ZNF341: variants seen among roughly 807,000 people sequenced by gnomAD.
The protein encoded by ZNF341 is zinc finger protein 341.
ZNF341 carries 52 observed loss-of-function variants against 87.7 expected under a neutral mutation model. That is an observed-to-expected ratio of 0.59 (90% CI 0.47 to 0.75). The LOEUF (loss-of-function observed/expected upper bound fraction) is 0.75, where lower values mean the gene tolerates loss of function less well. Ranked by LOEUF, ZNF341 falls within the 30% of genes least tolerant of loss-of-function variation. The pLI is 0.00. For synonymous variants in ZNF341, 459 were observed against 472.7 expected, an observed-to-expected ratio of 0.97 and a Z score of 0.38; for missense variants, 977 against 1,145.9, an observed-to-expected ratio of 0.85 and a Z score of 2.13.
Position 33,769,377 on chromosome 20 carries a change from G to GGA in ZNF341, c.1414-706_1414-705insAG, listed in dbSNP as rs1555787976. Among the ~76,000 whole-genome samples the GGA allele has an allele frequency of 1.8e-4, 24 of 133,952 alleles. 1 individual carries two copies. Among genetic ancestry groups the GGA allele is most frequent in the South Asian group, 1.5e-3 (6 of 4,070 alleles). The allele number at this position is 133,952 out of a possible 152,430, so 87.9% of individuals were successfully genotyped here. On this transcript the variant is annotated intron_variant, in intron 9 of 14. Transcript: ENST00000375200. ...GGGAGGGGGTGAAGGGGTGGTGGTG[G>GGA]GGGGGGGGGCAGTGGGAGGGGTGGC...
At position 33,791,625 on chromosome 20, in the gene ZNF341, A is replaced by G. The variant is rs2020038062; in HGVS notation, c.*108A>G. 2 of 1,249,422 alleles carry G rather than the reference A, an allele frequency of 1.6e-6. No homozygotes were observed. Among genetic ancestry groups the G allele is most frequent in the South Asian group, 1.7e-5 (1 of 59,376 alleles). The allele number at this position is 1,249,422 out of a possible 1,614,324, so 77.4% of individuals were successfully genotyped here. On this transcript the variant is annotated 3_prime_UTR_variant, in exon 15 of 15. Transcript: ENST00000375200. ...ACCAGTGGAAGCGAGCCATCGAGCC[A>G]TTGGCAGAAATCCTGCTGAATGTCA...
Position 33,791,553 on chromosome 20 carries a change from T to C in ZNF341, c.*36T>C, listed in dbSNP as rs2122755034. 2.0e-6 allele frequency: 3 copies of C among 1,504,996 alleles called. No individual in the cohort carries two copies. The highest frequency in any genetic ancestry group is 4.6e-5 in the East Asian group (2 of 43,376). The allele number at this position is 1,504,996 out of a possible 1,614,324, so 93.2% of individuals were successfully genotyped here. A position where few individuals can be genotyped will look rare whatever the true frequency, so the allele number is the denominator to read the frequency against. ...GTGTCTGTTTCCTGGGCAGGCCTGA[T>C]GCTCCTGTTTGGGTCCAGGGCCCCT... is the stretch of plus-strand genomic sequence containing the variant. On this transcript the variant is annotated 3_prime_UTR_variant, in exon 15 of 15. Transcript: ENST00000375200.
chr20:33,768,798 A>G (rs1244097997), intron 9 of ZNF341, among the ~76,000 whole-genome samples: 1 of 152,174 alleles, frequency 6.6e-6, no homozygotes, highest in Non-Finnish European at 1.5e-5. Context: ...GAAGGAGTGC[A>G]TGATATTGTG....
chr20:33,789,103 T>A, intron 13 of ZNF341, 129 bp downstream of exon 13: 2 of 654,768 alleles, frequency 3.1e-6, no homozygotes, highest in East Asian at 5.5e-5. Context: ...GGAGACATAG[T>A]CTCACTCTGT....
intron 7 of ZNF341, among the ~76,000 whole-genome samples, chr20:33,759,815 A>G (rs961955271): frequency 6.6e-6 from 1 of 152,112 alleles, no homozygotes; most frequent in East Asian, 1.9e-4. Flanking sequence ...CAAACCTCAC[A>G]TTCCAGCCAT....
intron 5 of ZNF341, among the ~76,000 whole-genome samples, chr20:33,755,182 T>C (rs2019152228): frequency 6.6e-6 from 1 of 152,202 alleles, no homozygotes; most frequent in South Asian, 2.1e-4. Context: ...TGGCCTCAGG[T>C]GATCTGCCTG....
In ZNF341 at chr20:33,764,561, A is replaced by ATTTTT. The variant is rs1164096634; in HGVS notation, c.1223-2265_1223-2261dup. Among the ~76,000 whole-genome samples the ATTTTT allele has an allele frequency of 2.4e-3, 68 of 28,412 alleles. 4 individuals carry two copies. The highest frequency in any genetic ancestry group is 6.8e-3 in the East Asian group (2 of 296). 18.6% of individuals were successfully genotyped at this position (28,412 alleles called of 152,430 possible). Reference sequence around the variant, plus strand: ...TGTATGTGTATATATATATATATATATTTTTTTTTTTTTTTTTTTTTTTTT... The same window carrying ATTTTT: ...TGTATGTGTATATATATATATATATATTTTTTTTTTTTTTTTTTTTTTTTTTTTTT... On this transcript the variant is annotated intron_variant, in intron 8 of 14. Transcript: ENST00000375200.
intron 9 of ZNF341, among the ~76,000 whole-genome samples, chr20:33,767,398 G>A (rs1339494426): frequency 1.6e-5 from 1 of 62,558 alleles, no homozygotes; most frequent in Admixed American, 1.5e-4. Flanking sequence ...TTTTTTTTTT[G>A]AGACGGTTTT....
chr20:33,764,125 C>T (rs1325813204), intron 8 of ZNF341, among the ~76,000 whole-genome samples: 5 of 149,600 alleles, frequency 3.3e-5, no homozygotes, highest in Admixed American at 1.3e-4. Context: ...CCTGGGTTCA[C>T]GCCATTTTCC....
chr20:33,734,099 G>A (rs962404933), intron 1 of ZNF341, among the ~76,000 whole-genome samples: 2 of 152,356 alleles, frequency 1.3e-5, no homozygotes, highest in African/African-American at 2.4e-5. Flanking sequence ...CAGTTCCTAG[G>A]ACAGTGGGAT....
At chr20:33,760,914 AT>A (rs199767276) in intron 7 of ZNF341, among the ~76,000 whole-genome samples, 68 of 151,360 alleles carry the variant, frequency 4.5e-4, no homozygotes, top group Middle Eastern at 3.4e-3. Flanking sequence ...TAGATCTTGC[AT>A]TTTTTTTTGT....
chr20:33,772,683 G>A (rs1238529832), intron 10 of ZNF341, among the ~76,000 whole-genome samples: 7 of 152,150 alleles, frequency 4.6e-5, no homozygotes, highest in Non-Finnish European at 7.4e-5. Context: ...AGGAGGAACC[G>A]CAAGTTTAAA....
chr20:33,769,878 T>G (rs2019488197), intron 9 of ZNF341, among the ~76,000 whole-genome samples: 1 of 152,190 alleles, frequency 6.6e-6, no homozygotes, highest in Non-Finnish European at 1.5e-5. Flanking sequence ...ACCACTGCAC[T>G]CCAGCCTGGG....
chr20:33,746,181 G>A lies in ZNF341; in HGVS notation c.339+882G>A, dbSNP rs554822505. Among the ~76,000 whole-genome samples, 19 of 150,018 alleles carry A rather than the reference G, an allele frequency of 1.3e-4. No homozygotes were observed. In the South Asian group the frequency reaches 1.9e-3, roughly 15 times the overall value. On this transcript the variant is annotated intron_variant, in intron 3 of 14. Coordinates refer to ENST00000375200, the MANE Select transcript of ZNF341 (RefSeq NM_001282933.2). ...CCTGACCTCGTGATCTGCCCGCCTC[G>A]GCCTCCCAAAGTGCTGGGATTACAG... is the stretch of plus-strand genomic sequence containing the variant.
At position 33,748,958 on chromosome 20, in the gene ZNF341, G is replaced by A; in HGVS notation, c.375G>A (p.Leu125=). Reference sequence around the variant, plus strand: ...ACATCACAGTGCCCCCGTCCCCACTGATCCAGACCCTGGTGCAGGGGAACA... The same window carrying A: ...ACATCACAGTGCCCCCGTCCCCACTAATCCAGACCCTGGTGCAGGGGAACA... ...STYITVPPSP[L]IQTLVQGNIL... Residue 125 remains leucine, a synonymous_variant, in exon 4 of 15, where the codon CTG becomes CTA. Transcript: ENST00000375200. The A allele has an allele frequency of 6.2e-7, 1 of 1,614,128 alleles. No individual in the cohort carries two copies. The highest frequency in any genetic ancestry group is 8.5e-7 in the Non-Finnish European group (1 of 1,180,012).
At chr20:33,764,149 C>T (rs6059454) in intron 8 of ZNF341, among the ~76,000 whole-genome samples, 5,396 of 150,916 alleles carry the variant, frequency 0.036, 341 homozygotes, top group African/African-American at 0.12. Context: ...CTCAGCCTCC[C>T]GAGTAGCTGG....
At chr20:33,747,492 G>A (rs2018953171) in intron 3 of ZNF341, among the ~76,000 whole-genome samples, 1 of 143,110 alleles carries the variant, frequency 7.0e-6, no homozygotes, top group South Asian at 2.1e-4. Flanking sequence ...GCGGGCGCCT[G>A]TAGTCCCAGC....
At chr20:33,788,532 C>A in intron 12 of ZNF341, 1 of 377,356 alleles carries the variant, frequency 2.7e-6, no homozygotes, top group South Asian at 2.3e-5. Flanking sequence ...TCTGGCCACA[C>A]CAGCCTCCCT....
chr20:33,779,263 G>T (rs114086267), intron 10 of ZNF341, among the ~76,000 whole-genome samples: 3,245 of 152,104 alleles, frequency 0.021, 121 homozygotes, highest in African/African-American at 0.074. Context: ...TAGATCTCAT[G>T]AGAACTCACT....
Sources: gnomAD v4.1 joint callset for allele counts (sites outside exome capture counted in the v4.1 genomes callset) on GRCh38, gnomAD v4.1.1 for gene constraint, MANE v1.5 for transcripts, NCBI Gene and HGNC (gene_info 2026-07-23, HGNC 2026-07-21) for gene names.